Variants in GPR161 observed in about 807,000 individuals in gnomAD.
GPR161 encodes the protein G protein-coupled receptor 161.
GPR161 carries 25 observed loss-of-function variants against 39.2 expected under a neutral mutation model. That is an observed-to-expected ratio of 0.64 (90% CI 0.47 to 0.89). GPR161 has a LOEUF of 0.89. Among genes scored for constraint, GPR161 ranks in the 40% least tolerant of loss-of-function variants. The probability of loss-of-function intolerance (pLI) is 0.00; values close to 1 mark genes in which losing one functional copy is unlikely to be tolerated. For synonymous variants in GPR161, 286 were observed against 276.6 expected (o/e 1.03, Z -0.34); for missense variants, 547 against 677.8 (o/e 0.81, Z 2.14).
At chr1:168,109,724 T>C (rs1251321605) in intron 1 of GPR161, among the ~76,000 whole-genome samples, 2 of 152,204 alleles carry the variant, frequency 1.3e-5, no homozygotes, top group Non-Finnish European at 1.5e-5. Flanking sequence ...CCCAGCACTT[T>C]GGGAGGCCGA....
intron 1 of GPR161, chr1:168,136,325 G>C (rs555099689): frequency 6.7e-7 from 1 of 1,485,204 alleles, no homozygotes; most frequent in Non-Finnish European, 8.9e-7. Context: ...TGAGCGGGAC[G>C]TGGAGTCTCT....
At chr1:168,131,979 A>G (rs1231422772) in intron 1 of GPR161, among the ~76,000 whole-genome samples, 1 of 152,206 alleles carries the variant, frequency 6.6e-6, no homozygotes, top group Non-Finnish European at 1.5e-5. Flanking sequence ...AAATGCACAT[A>G]ACTGGCCAGG....
In GPR161 at chr1:168,125,616, T is replaced by TC. The variant is rs538405258; in HGVS notation, c.-45+11122dup. Among the ~76,000 whole-genome samples the TC allele has an allele frequency of 2.7e-3, 370 of 139,470 alleles. 1 individual carries two copies. Among genetic ancestry groups the TC allele is most frequent in the African/African-American group, 8.8e-3 (305 of 34,568 alleles). The allele number at this position is 139,470 out of a possible 152,430, so 91.5% of individuals were successfully genotyped here. ...TGTACAGTATCTTGACTATCTTGCT[T>TC]CCCCCCCCTTTTTTTTTTTTTGAGA... On this transcript the variant is annotated intron_variant, in intron 1 of 5. Transcript: ENST00000682931.
intron 1 of GPR161, among the ~76,000 whole-genome samples, chr1:168,128,627 C>CTG (rs1354120902): frequency 1.3e-5 from 2 of 152,192 alleles, no homozygotes; most frequent in Non-Finnish European, 2.9e-5. Flanking sequence ...GAGATGGAAG[C>CTG]TGTGCTGAGA....
intron 4 of GPR161, 83 bp from the exon 5 acceptor site, chr1:168,087,787 C>A (rs1694686839): frequency 7.3e-7 from 1 of 1,365,002 alleles, no homozygotes; most frequent in Non-Finnish European, 1.0e-6. Context: ...ACCCCTTCCA[C>A]CCCTCTTCTC....
intron 1 of GPR161, 49 bp from the exon 2 acceptor site, chr1:168,104,943 A>C: frequency 7.0e-7 from 1 of 1,432,434 alleles, no homozygotes. Flanking sequence ...TCATCAAATC[A>C]CATCGTCTCC....
intron 1 of GPR161, among the ~76,000 whole-genome samples, chr1:168,126,153 C>CA (rs1698572199): frequency 6.6e-6 from 1 of 152,196 alleles, no homozygotes; most frequent in Non-Finnish European, 1.5e-5. Context: ...CTCACAGCAG[C>CA]TTTCTGTAAC....
chr1:168,096,987 C>T lies in GPR161; in HGVS notation c.620G>A (p.Cys207Tyr), dbSNP rs1286361651. The T allele has an allele frequency of 1.2e-6, 2 of 1,614,170 alleles. No homozygotes were observed. Among genetic ancestry groups the T allele is most frequent in the South Asian group, 1.1e-5 (1 of 91,084 alleles). Residue 207 changes from cysteine (C) to tyrosine (Y), a missense_variant, in exon 3 of 6, where the codon TGC becomes TAC. Coordinates refer to ENST00000682931, the MANE Select transcript of GPR161 (RefSeq NM_001375883.1). ...GGCCACGCGGAAGATGAAGCCATAG[C>T]ACACCAGCATGACCAGAAAGGGGAA... ...ALFPFLVMLV[C>Y]YGFIFRVARV... is the part of the protein sequence containing the mutation.
chr1:168,134,999 T>G, intron 1 of GPR161: 1 of 1,535,026 alleles, frequency 6.5e-7, no homozygotes, highest in Non-Finnish European at 8.7e-7. Context: ...GACCACACAG[T>G]GCTCCTTCAC....
At chr1:168,120,033 C>A (rs1315930239) in intron 1 of GPR161, among the ~76,000 whole-genome samples, 2 of 152,184 alleles carry the variant, frequency 1.3e-5, no homozygotes, top group African/African-American at 4.8e-5. Flanking sequence ...AGGGGCACTG[C>A]CTAGTGAAGA....
intron 2 of GPR161, among the ~76,000 whole-genome samples, chr1:168,099,501 G>T (rs1695885249): frequency 6.6e-6 from 1 of 152,198 alleles, no homozygotes; most frequent in Non-Finnish European, 1.5e-5. Flanking sequence ...CCATAAAAAT[G>T]ATTACAATTA....
rs72452130 is a variant in GPR161, at chr1:168,084,618, GTCAC to G, written c.*909_*912del. On this transcript the variant is annotated 3_prime_UTR_variant, in exon 6 of 6. Coordinates refer to ENST00000682931, the MANE Select transcript of GPR161 (RefSeq NM_001375883.1). ...GAACTGAGGCCAGCTATTTTCATTG[GTCAC>G]TCAAACATCACACATAGAATCTATT... is the stretch of plus-strand genomic sequence containing the variant. 0.075 allele frequency: 27,012 copies of G among 360,602 alleles called. 1,284 individuals carry two copies. The highest frequency in any genetic ancestry group is 0.092 in the Middle Eastern group (93 of 1,008). The allele number at this position is 360,602 out of a possible 1,614,324, so 22.3% of individuals were successfully genotyped here. A position where few individuals can be genotyped will look rare whatever the true frequency, so the allele number is the denominator to read the frequency against.
chr1:168,096,859 C>CT lies in GPR161; in HGVS notation c.747dup (p.Gly250ArgfsTer44), dbSNP rs776700024. 3 of 1,614,174 alleles carry CT rather than the reference C, an allele frequency of 1.9e-6. No homozygotes were observed. The Admixed American group carries it at 5.0e-5, about 27-fold the overall frequency. Reference sequence around the variant, plus strand: ...CCCTGAAAGGCATTCCTCCTGCTGCCTGAAGAGGAGGTGGAGGTGCTGGAG... The same window carrying CT: ...CCCTGAAAGGCATTCCTCCTGCTGCCTTGAAGAGGAGGTGGAGGTGCTGGAG... On this transcript the variant is annotated frameshift_variant, in exon 3 of 6. Coordinates refer to ENST00000682931, the MANE Select transcript of GPR161 (RefSeq NM_001375883.1). LOFTEE classifies it high-confidence loss of function.
upstream of GPR161, chr1:168,137,387 C>T (rs1421677540): frequency 6.5e-7 from 1 of 1,535,902 alleles, no homozygotes; most frequent in Non-Finnish European, 8.7e-7. Context: ...CTTTGCTGCT[C>T]ACCTTTCATT....
At chr1:168,112,688 CT>C (rs1697312607) in intron 1 of GPR161, among the ~76,000 whole-genome samples, 1 of 151,574 alleles carries the variant, frequency 6.6e-6, no homozygotes, top group African/African-American at 2.4e-5. Flanking sequence ...GAAACTCCAT[CT>C]CTACGAAAAA....
chr1:168,085,673 G>C lies in GPR161; in HGVS notation c.1448C>G (p.Ala483Gly). Residue 483 changes from alanine (A) to glycine (G), a missense_variant, in exon 6 of 6, where the codon GCT (alanine) becomes GGT (glycine). By Grantham distance (60) the Ala-to-Gly change is moderately conservative (BLOSUM62 0). Coordinates refer to ENST00000682931, the MANE Select transcript of GPR161 (RefSeq NM_001375883.1). ...TGCTGTAACCAAGACCCCTGGCAAA[G>C]CCTCCTCCCCAAATAAGTTGATTTT... is the stretch of plus-strand genomic sequence containing the variant. Reference protein sequence around the residue: ...EAKINLFGEEALPGVLVTART... With the variant: ...EAKINLFGEEGLPGVLVTART... 6.2e-7 allele frequency: 1 copy of C among 1,614,240 alleles called. No homozygotes were observed. The highest frequency in any genetic ancestry group is 1.1e-5 in the South Asian group (1 of 91,090).
intron 1 of GPR161, among the ~76,000 whole-genome samples, chr1:168,126,303 T>C (rs1398299541): frequency 3.3e-5 from 5 of 152,172 alleles, no homozygotes; most frequent in Non-Finnish European, 7.3e-5. Flanking sequence ...GAACACCGTC[T>C]ATCTCTAGAC....
At chr1:168,118,391 TA>T (rs1332972688) in intron 1 of GPR161, among the ~76,000 whole-genome samples, 1 of 150,566 alleles carries the variant, frequency 6.6e-6, no homozygotes, top group African/African-American at 2.5e-5. Flanking sequence ...GGGCACTAAA[TA>T]ATGTATACAC....
intron 1 of GPR161, among the ~76,000 whole-genome samples, chr1:168,106,705 T>C (rs1445426246): frequency 1.3e-5 from 2 of 152,252 alleles, no homozygotes; most frequent in East Asian, 1.9e-4. Flanking sequence ...ATCTTGAACA[T>C]GTGGAATTAA....
Sources: allele counts gnomAD v4.1 joint callset (sites outside exome capture counted in the v4.1 genomes callset), GRCh38; gene constraint gnomAD v4.1.1; transcripts MANE v1.5; gene names NCBI Gene and HGNC (gene_info 2026-07-23, HGNC 2026-07-21).